The following NEO1 variants were observed in gnomAD, a reference collection of about 807,000 sequenced individuals.
NEO1 encodes the protein neogenin.
NEO1 carries 63 observed loss-of-function variants against 159.7 expected under a neutral mutation model. The ratio of observed to expected loss-of-function variants is 0.39; its 90% CI spans 0.32 to 0.49. The LOEUF (loss-of-function observed/expected upper bound fraction) is 0.49, where lower values mean the gene tolerates loss of function less well. NEO1 is among the 20% of genes least tolerant of loss of function. The pLI, the probability that NEO1 is intolerant of heterozygous loss-of-function variation, is 0.85. For missense variants in NEO1, 1,615 were observed against 1,831.0 expected, an observed-to-expected ratio of 0.88 and a Z score of 2.15; for synonymous variants, 633 against 662.0, an observed-to-expected ratio of 0.96 and a Z score of 0.67.
At chr15:73,126,643 G>T in intron 4 of NEO1, 73 bp downstream of exon 4, 1 of 1,408,540 alleles carries the variant, frequency 7.1e-7, no homozygotes, top group South Asian at 1.4e-5. Flanking sequence ...TGGGACTATT[G>T]ACTAATTTAA....
chr15:73,296,654 A>G (rs1331867825), intron 26 of NEO1, among the ~76,000 whole-genome samples: 50 of 152,154 alleles, frequency 3.3e-4, no homozygotes, highest in Admixed American at 3.3e-3. Flanking sequence ...GCGGGGATAC[A>G]TTCCAAGACC....
chr15:73,172,784 A>G (rs148300764), intron 5 of NEO1, among the ~76,000 whole-genome samples: 151 of 152,328 alleles, frequency 9.9e-4, no homozygotes, highest in African/African-American at 3.4e-3. Flanking sequence ...TTGTAGGGAA[A>G]CTTGAGCAGG....
chr15:73,065,609 G>A (rs560764360), intron 1 of NEO1, among the ~76,000 whole-genome samples: 6 of 152,128 alleles, frequency 3.9e-5, no homozygotes, highest in East Asian at 3.9e-4. Context: ...CTTACCTCCC[G>A]TCTTTGGCCA....
At chr15:73,080,720 G>C (rs1197788048) in intron 1 of NEO1, among the ~76,000 whole-genome samples, 1 of 151,978 alleles carries the variant, frequency 6.6e-6, no homozygotes, top group South Asian at 2.1e-4. Context: ...TGTGTATAGT[G>C]GCCAGGGATC....
intron 3 of NEO1, 147 bp from the exon 4 acceptor site, chr15:73,126,270 A>C: frequency 1.7e-6 from 1 of 593,536 alleles, no homozygotes; most frequent in Admixed American, 3.3e-5. Context: ...GGGTCTTGCT[A>C]TATTGCCTAC....
At chr15:73,259,370 A>ATTTT (rs10623352) in intron 14 of NEO1, among the ~76,000 whole-genome samples, 19,456 of 135,320 alleles carry the variant, frequency 0.14, 1,702 homozygotes, top group East Asian at 0.21. Context: ...CATTTTACTA[A>ATTTT]TTTTTTTTTT....
intron 6 of NEO1, among the ~76,000 whole-genome samples, chr15:73,177,097 A>T (rs2035321741): frequency 6.6e-6 from 1 of 152,228 alleles, no homozygotes; most frequent in African/African-American, 2.4e-5. Flanking sequence ...AGTTATAAAG[A>T]TTCTTTTTTA....
At chr15:73,062,955 GA>G (rs1219307500) in intron 1 of NEO1, among the ~76,000 whole-genome samples, 1 of 152,186 alleles carries the variant, frequency 6.6e-6, no homozygotes, top group East Asian at 1.9e-4. Flanking sequence ...TGACACTTAG[GA>G]AGGAAAAAGA....
At chr15:73,130,041 G>C (rs1249792527) in intron 4 of NEO1, among the ~76,000 whole-genome samples, 2 of 152,186 alleles carry the variant, frequency 1.3e-5, no homozygotes, top group African/African-American at 4.8e-5. Flanking sequence ...TGTTACCCAG[G>C]CTGGAGTGTG....
At chr15:73,182,112 C>A (rs1207617292) in intron 7 of NEO1, among the ~76,000 whole-genome samples, 1 of 152,046 alleles carries the variant, frequency 6.6e-6, no homozygotes, top group African/African-American at 2.4e-5. Flanking sequence ...GGGAAACTCC[C>A]ATTTTCCAAG....
chr15:73,217,069 C>T (rs955738618), intron 7 of NEO1, among the ~76,000 whole-genome samples: 17 of 152,144 alleles, frequency 1.1e-4, no homozygotes, highest in African/African-American at 3.9e-4. Context: ...TCAGGTCTAA[C>T]ATTTAAGTCT....
intron 7 of NEO1, among the ~76,000 whole-genome samples, chr15:73,205,077 G>A (rs886744836): frequency 1.3e-5 from 2 of 152,070 alleles, no homozygotes; most frequent in African/African-American, 4.8e-5. Flanking sequence ...AGTTGTTTCC[G>A]CTATTATTCT....
rs192374495 is a variant in NEO1, at chr15:73,085,446, G to A, written c.131-31094G>A. Among the ~76,000 whole-genome samples, 116 of 152,256 alleles carry A rather than the reference G, an allele frequency of 7.6e-4. No homozygotes were observed. In the South Asian group the frequency reaches 9.9e-3, roughly 13 times the overall value. ...AGCTATAAACATTTGGGTTTATAAC[G>A]TTAGGTTTTTGCGTCAACATGTTTT... On this transcript the variant is annotated intron_variant, in intron 1 of 28. Coordinates refer to ENST00000261908, the MANE Select transcript of NEO1 (RefSeq NM_002499.4).
rs544857978 is a variant in NEO1, at chr15:73,146,946, C to A, written c.1015+10919C>A. 3.3e-5 allele frequency among the ~76,000 whole-genome samples: 5 copies of A among 152,212 alleles called. No homozygotes were observed. In the East Asian group the frequency reaches 9.6e-4, roughly 29 times the overall value. On this transcript the variant is annotated intron_variant, in intron 5 of 28. Coordinates refer to ENST00000261908, the MANE Select transcript of NEO1 (RefSeq NM_002499.4). ...ACCCCAATGAGGAAGCTTTGTGGGA[C>A]AAATAAGCAAAATTCATGGTGCAGA...
rs1596058399 is a variant in NEO1, at chr15:73,122,720, A to G, written c.644A>G (p.Asp215Gly). The part of the protein sequence containing the change: ...MLVISNATEG[D>G]GGLYRCVVES... The stretch of plus-strand genomic sequence containing the variant: ...GTTATCAGCAATGCAACTGAAGGAG[A>G]TGGCGGGCTTTATCGCTGCGTAGTG... Residue 215 changes from aspartate (D) to glycine (G), a missense_variant, in exon 3 of 29, where the codon GAT becomes GGT. By Grantham distance (94) the Asp-to-Gly change is moderately conservative. This residue lies in a region of NEO1 where 1,018 missense variants were observed against 1,115.4 expected (regional missense o/e 0.91). Transcript: ENST00000261908. The G allele has an allele frequency of 6.2e-7, 1 of 1,614,178 alleles. No individual in the cohort carries two copies. Among genetic ancestry groups the G allele is most frequent in the Non-Finnish European group, 8.5e-7 (1 of 1,180,030 alleles).
intron 21 of NEO1, 69 bp downstream of exon 21, chr15:73,274,793 T>TTTA: frequency 6.9e-7 from 1 of 1,459,740 alleles, no homozygotes; most frequent in Non-Finnish European, 9.3e-7. Flanking sequence ...TTGGTTTTTG[T>TTTA]TTCTTTTTTT....
chr15:73,077,482 T>G (rs536701008), intron 1 of NEO1, among the ~76,000 whole-genome samples: 51 of 152,378 alleles, frequency 3.3e-4, no homozygotes, highest in African/African-American at 1.2e-3. Context: ...ACAAGGAAGC[T>G]TGTGTGAATG....
chr15:73,289,362 C>A, intron 25 of NEO1, 124 bp downstream of exon 25: 1 of 816,268 alleles, frequency 1.2e-6, no homozygotes, highest in Non-Finnish European at 2.0e-6. Flanking sequence ...AAAGCTTTGA[C>A]ACCTTGAAGG....
At chr15:73,163,783 T>C (rs1186792633) in intron 5 of NEO1, among the ~76,000 whole-genome samples, 1 of 152,198 alleles carries the variant, frequency 6.6e-6, no homozygotes, top group Non-Finnish European at 1.5e-5. Context: ...CTGTAACATA[T>C]GCTTTAGACC....
Sources: gnomAD v4.1 joint callset for allele counts (sites outside exome capture counted in the v4.1 genomes callset) on GRCh38, gnomAD v4.1.1 for gene constraint, gnomAD v4.1.1 regional missense constraint, MANE v1.5 for transcripts, NCBI Gene and HGNC (gene_info 2026-07-23, HGNC 2026-07-21) for gene names.